WDR82: variants seen among roughly 807,000 people sequenced by gnomAD.
WDR82 encodes the protein WD repeat domain 82.
WDR82 carries 8 observed loss-of-function variants against 36.1 expected under a neutral mutation model. The observed-to-expected ratio is 0.22, with a 90% confidence interval of 0.13 to 0.40. WDR82 has a LOEUF of 0.40. Among genes scored for constraint, WDR82 ranks in the 10% least tolerant of loss-of-function variants. The pLI, the probability that WDR82 is intolerant of heterozygous loss-of-function variation, is 1.00. For synonymous variants in WDR82, 129 were observed against 137.8 expected (o/e 0.94, Z 0.45); for missense variants, 185 against 400.5 (o/e 0.46, Z 4.59).
At chr3:52,268,315 G>A (rs542794187) in intron 2 of WDR82, 12 of 472,080 alleles carry the variant, frequency 2.5e-5, no homozygotes, top group Non-Finnish European at 4.4e-5. Context: ...CTCCTGTACC[G>A]GGTGGTATCA....
chr3:52,274,300 G>C (rs1700180965), intron 1 of WDR82, among the ~76,000 whole-genome samples: 1 of 152,226 alleles, frequency 6.6e-6, no homozygotes, highest in Non-Finnish European at 1.5e-5. Flanking sequence ...GGTCACAGTA[G>C]CTAACACCTG....
chr3:52,267,585 C>T (rs1453625935), intron 2 of WDR82: 1 of 152,314 alleles, frequency 6.6e-6, no homozygotes, highest in South Asian at 2.1e-4. Context: ...ATAAACAAAA[C>T]GTCAGAGAAG....
At chr3:52,266,812 C>A in intron 3 of WDR82, 140 bp downstream of exon 3, 1 of 688,172 alleles carries the variant, frequency 1.5e-6, no homozygotes, top group South Asian at 1.5e-5. Context: ...CAAGAGTTGA[C>A]TATTTAAGAG....
chr3:52,258,966 G>A (rs1412799948), intron 7 of WDR82, among the ~76,000 whole-genome samples: 3 of 152,196 alleles, frequency 2.0e-5, no homozygotes, highest in Non-Finnish European at 4.4e-5. Flanking sequence ...ATGACTGAAT[G>A]TAGGGTTACA....
At chr3:52,264,863 T>G (rs1385693832) in intron 3 of WDR82, among the ~76,000 whole-genome samples, 1 of 151,990 alleles carries the variant, frequency 6.6e-6, no homozygotes, top group Non-Finnish European at 1.5e-5. Flanking sequence ...CAATCATGGC[T>G]CACTGCAGCC....
intron 3 of WDR82, among the ~76,000 whole-genome samples, chr3:52,262,979 T>C (rs1320593500): frequency 6.6e-6 from 1 of 151,926 alleles, no homozygotes; most frequent in African/African-American, 2.4e-5. Context: ...AATACAAAAA[T>C]TAGCCAGGCC....
At chr3:52,261,620 C>T in intron 3 of WDR82, 141 bp from the exon 4 acceptor site, 2 of 575,904 alleles carry the variant, frequency 3.5e-6, no homozygotes, top group Non-Finnish European at 5.9e-6. Flanking sequence ...ATAAAACACA[C>T]ATACCACAAC....
At chr3:52,262,940 C>G (rs916537481) in intron 3 of WDR82, among the ~76,000 whole-genome samples, 1 of 152,078 alleles carries the variant, frequency 6.6e-6, no homozygotes, top group Admixed American at 6.6e-5. Flanking sequence ...CCAGCTTGGC[C>G]AACATGGTGA....
intron 1 of WDR82, among the ~76,000 whole-genome samples, chr3:52,277,788 G>A (rs996524075): frequency 2.6e-5 from 4 of 152,212 alleles, no homozygotes; most frequent in African/African-American, 9.6e-5. Context: ...GAGAGCTGAC[G>A]CTGCCGAAGG....
chr3:52,265,625 G>C (rs983379628), intron 3 of WDR82, among the ~76,000 whole-genome samples: 3 of 149,216 alleles, frequency 2.0e-5, no homozygotes, highest in African/African-American at 7.4e-5. Flanking sequence ...AGGCTGGATG[G>C]AGTGCAGTGG....
At chr3:52,262,749 A>G (rs1362705037) in intron 3 of WDR82, among the ~76,000 whole-genome samples, 1 of 152,254 alleles carries the variant, frequency 6.6e-6, no homozygotes, top group East Asian at 1.9e-4. Context: ...TAACTCAACT[A>G]ACATCTGCAC....
At chr3:52,276,531 G>A (rs536311968) in intron 1 of WDR82, among the ~76,000 whole-genome samples, 1 of 152,168 alleles carries the variant, frequency 6.6e-6, no homozygotes, top group East Asian at 1.9e-4. Flanking sequence ...AAACTGCAAA[G>A]AAATGCTATA....
chr3:52,261,579 T>C, intron 3 of WDR82, 100 bp from the exon 4 acceptor site: 1 of 886,378 alleles, frequency 1.1e-6, no homozygotes, highest in Non-Finnish European at 1.6e-6. Flanking sequence ...TATATACCTG[T>C]TCTCCCAAAA....
intron 1 of WDR82, among the ~76,000 whole-genome samples, chr3:52,276,910 T>TG (rs143877752): frequency 0.042 from 6,332 of 151,352 alleles, 175 homozygotes; most frequent in Middle Eastern, 0.078. Context: ...GGAAAAAAAC[T>TG]GGGGGGATAC....
Position 52,266,932 on chromosome 3 carries a change from C to G in WDR82, c.326+20G>C, listed in dbSNP as rs753482961. On this transcript the variant is annotated intron_variant, in intron 3 of 8. Transcript: ENST00000296490. ...TCAGGGATAAAAGAACTATCTGCTT[C>G]TATAATACGTGGGTCTTACCTTTTG... The G allele has an allele frequency of 6.3e-7, 1 of 1,598,462 alleles. No homozygotes were observed. The highest frequency in any genetic ancestry group is 1.3e-5 in the African/African-American group (1 of 74,504).
intron 1 of WDR82, among the ~76,000 whole-genome samples, chr3:52,273,738 C>T (rs1176108085): frequency 2.0e-5 from 3 of 152,238 alleles, no homozygotes; most frequent in Non-Finnish European, 4.4e-5. Context: ...CTCCCTGCCT[C>T]AGCCTCCTGA....
Position 52,254,674 on chromosome 3 carries a change from ATTTCT to A in WDR82, c.*2811_*2815del, listed in dbSNP as rs547628530. 3.3e-5 allele frequency: 5 copies of A among 152,492 alleles called. No individual in the cohort carries two copies. Among genetic ancestry groups the A allele is most frequent in the African/African-American group, 1.2e-4 (5 of 41,438 alleles). 9.4% of individuals were successfully genotyped at this position (152,492 alleles called of 1,614,324 possible). A position where few individuals can be genotyped will look rare whatever the true frequency, so the allele number is the denominator to read the frequency against. On this transcript the variant is annotated 3_prime_UTR_variant, in exon 9 of 9. Transcript: ENST00000296490. Reference sequence around the variant, plus strand: ...GTAATTATAATTACAACGGGAAATAATTTCTTTAAGTACCCAGTGCAGTGTCACTG... The same window carrying A: ...GTAATTATAATTACAACGGGAAATAATTAAGTACCCAGTGCAGTGTCACTG...
At chr3:52,273,155 G>C (rs1700169317) in intron 1 of WDR82, among the ~76,000 whole-genome samples, 1 of 152,210 alleles carries the variant, frequency 6.6e-6, no homozygotes, top group African/African-American at 2.4e-5. Context: ...AACTGGCCGG[G>C]CGCAGTGGCT....
Position 52,273,427 on chromosome 3 carries a change from G to A in WDR82, c.162-2618C>T, listed in dbSNP as rs1476076509. ...ACCTGGGCAACAAGAGCGAAACTCC[G>A]TCTTAAAAAAAAAAAAAGACAGAAC... is the stretch of plus-strand genomic sequence containing the variant. On this transcript the variant is annotated intron_variant, in intron 1 of 8. Transcript: ENST00000296490. 8.6e-5 allele frequency among the ~76,000 whole-genome samples: 12 copies of A among 139,362 alleles called. No homozygotes were observed. The East Asian group carries it at 2.3e-3, about 27-fold the overall frequency. 91.4% of individuals were successfully genotyped at this position (139,362 alleles called of 152,430 possible). A position where few individuals can be genotyped will look rare whatever the true frequency, so the allele number is the denominator to read the frequency against.
Sources: allele counts gnomAD v4.1 joint callset (sites outside exome capture counted in the v4.1 genomes callset), GRCh38; gene constraint gnomAD v4.1.1; transcripts MANE v1.5; gene names NCBI Gene and HGNC (gene_info 2026-07-23, HGNC 2026-07-21).